The following SRBD1 variants were observed in gnomAD, a reference collection of about 807,000 sequenced individuals.
SRBD1 encodes S1 RNA binding domain 1.
In SRBD1, 88 loss-of-function variants were observed where a neutral mutation model predicts 115.3. The ratio of observed to expected loss-of-function variants is 0.76; its 90% confidence interval spans 0.64 to 0.91. The LOEUF (loss-of-function observed/expected upper bound fraction) is 0.91, where lower values mean the gene tolerates loss of function less well. Among genes scored for constraint, SRBD1 ranks in the 40% least tolerant of loss-of-function variants. The probability of loss-of-function intolerance (pLI) is 0.00; values close to 1 mark genes in which losing one functional copy is unlikely to be tolerated. For synonymous variants in SRBD1, 509 were observed against 407.7 expected (o/e 1.25, Z -2.99); for missense variants, 1,385 against 1,177.4 (o/e 1.18, Z -2.58).
intron 16 of SRBD1, among the ~76,000 whole-genome samples, chr2:45,431,970 T>C (rs879730145): frequency 6.6e-6 from 1 of 152,078 alleles, no homozygotes; most frequent in Non-Finnish European, 1.5e-5. Context: ...TCTTCCCCAA[T>C]TTTTTGCTTA....
intron 14 of SRBD1, among the ~76,000 whole-genome samples, chr2:45,530,930 G>GTTTTCAACTA (rs1423083441): frequency 6.8e-6 from 1 of 148,096 alleles, no homozygotes. Flanking sequence ...GTGAGACCCT[G>GTTTTCAACTA]TCTCAAAAAC....
chr2:45,490,133 G>C (rs1188194331), intron 14 of SRBD1, among the ~76,000 whole-genome samples: 1 of 152,036 alleles, frequency 6.6e-6, no homozygotes, highest in Non-Finnish European at 1.5e-5. Flanking sequence ...ATAATATAAT[G>C]ATCAAGGAGA....
intron 1 of SRBD1, among the ~76,000 whole-genome samples, chr2:45,610,102 A>G (rs963769239): frequency 1.1e-4 from 16 of 152,142 alleles, no homozygotes; most frequent in Admixed American, 1.0e-3. Flanking sequence ...GTGACTTGGG[A>G]TTTTTCCCTC....
intron 20 of SRBD1, among the ~76,000 whole-genome samples, chr2:45,391,467 G>A (rs750428016): frequency 3.9e-5 from 6 of 152,160 alleles, no homozygotes; most frequent in South Asian, 2.1e-4. Context: ...ATATCATCAC[G>A]TGGAAATGCC....
chr2:45,517,770 G>A (rs546419426), intron 14 of SRBD1, among the ~76,000 whole-genome samples: 1 of 152,272 alleles, frequency 6.6e-6, no homozygotes, highest in South Asian at 2.1e-4. Flanking sequence ...CAAGACAGGG[G>A]GATAGTTTGA....
At chr2:45,433,327 C>T (rs1345885490) in intron 16 of SRBD1, among the ~76,000 whole-genome samples, 8 of 151,972 alleles carry the variant, frequency 5.3e-5, no homozygotes, top group Non-Finnish European at 1.0e-4. Flanking sequence ...TGTTAATTAG[C>T]AAGAGTTAAT....
intron 9 of SRBD1, among the ~76,000 whole-genome samples, chr2:45,572,475 A>T (rs565257731): frequency 8.3e-4 from 126 of 152,196 alleles, no homozygotes; most frequent in Admixed American, 3.4e-3. Flanking sequence ...TAAATTTTTT[A>T]AAAAAGGAGA....
chr2:45,428,736 T>C (rs1475826836), intron 16 of SRBD1, among the ~76,000 whole-genome samples: 1 of 152,052 alleles, frequency 6.6e-6, no homozygotes, highest in Non-Finnish European at 1.5e-5. Flanking sequence ...ATTGACACTC[T>C]AATATCACAA....
intron 14 of SRBD1, among the ~76,000 whole-genome samples, chr2:45,505,061 C>A (rs1443883621): frequency 1.3e-5 from 2 of 151,358 alleles, no homozygotes; most frequent in Non-Finnish European, 3.0e-5. Context: ...ACAACCGAGT[C>A]TTCTACACAA....
intron 16 of SRBD1, among the ~76,000 whole-genome samples, chr2:45,431,778 G>GA (rs540498044): frequency 2.7e-5 from 4 of 150,828 alleles, no homozygotes; most frequent in African/African-American, 7.3e-5. Flanking sequence ...AAGTATAATA[G>GA]AAAAAAAACA....
intron 16 of SRBD1, among the ~76,000 whole-genome samples, chr2:45,434,389 T>A (rs1206705357): frequency 6.6e-6 from 1 of 152,182 alleles, no homozygotes; most frequent in Non-Finnish European, 1.5e-5. Flanking sequence ...GGAATCTCCA[T>A]TCACCTCACA....
intron 10 of SRBD1, among the ~76,000 whole-genome samples, chr2:45,557,615 T>C (rs975622836): frequency 1.3e-5 from 2 of 152,204 alleles, no homozygotes; most frequent in African/African-American, 4.8e-5. Flanking sequence ...ATTCATTTCC[T>C]ACATTATAGA....
At chr2:45,419,966 T>C (rs1667949072) in intron 16 of SRBD1, 72 bp from the exon 17 acceptor site, 2 of 1,341,226 alleles carry the variant, frequency 1.5e-6, no homozygotes, top group Admixed American at 3.4e-5. Context: ...ACTCTGCCTA[T>C]ATTACTGGTG....
At chr2:45,503,709 T>TA (rs1670710560) in intron 14 of SRBD1, among the ~76,000 whole-genome samples, 1 of 152,170 alleles carries the variant, frequency 6.6e-6, no homozygotes, top group African/African-American at 2.4e-5. Flanking sequence ...TCAACAAATG[T>TA]AAAATATGTT....
At chr2:45,591,985 T>C (rs1043734628) in intron 4 of SRBD1, among the ~76,000 whole-genome samples, 2 of 152,114 alleles carry the variant, frequency 1.3e-5, no homozygotes, top group African/African-American at 4.8e-5. Context: ...CCACGTGTTG[T>C]AGGAGGGACC....
chr2:45,579,553 T>C lies in SRBD1; in HGVS notation c.1072+322A>G, dbSNP rs1182217844. ...AATACCTATTTATCAAGGGATGCCATAAAGAAAGTGAAAAGACAAGTTACA... is the reference window on the plus strand; with the variant it reads ...AATACCTATTTATCAAGGGATGCCACAAAGAAAGTGAAAAGACAAGTTACA... On this transcript the variant is annotated intron_variant, in intron 7 of 20. Transcript: ENST00000263736. Among the ~76,000 whole-genome samples the C allele has an allele frequency of 2.0e-5, 3 of 151,712 alleles. 1 individual carries two copies. Among genetic ancestry groups the C allele is most frequent in the South Asian group, 4.2e-4 (2 of 4,800 alleles).
At chr2:45,446,521 C>A (rs1668828452) in intron 16 of SRBD1, among the ~76,000 whole-genome samples, 1 of 152,058 alleles carries the variant, frequency 6.6e-6, no homozygotes, top group African/African-American at 2.4e-5. Context: ...ATCCTTTTCC[C>A]AAGTCTGAGT....
intron 1 of SRBD1, among the ~76,000 whole-genome samples, chr2:45,608,361 A>C (rs1390285094): frequency 1.3e-5 from 2 of 152,208 alleles, no homozygotes. Flanking sequence ...CAAGCAGATC[A>C]GATTTAGAAA....
At chr2:45,593,236 A>G (rs995542306) in intron 4 of SRBD1, among the ~76,000 whole-genome samples, 1 of 152,198 alleles carries the variant, frequency 6.6e-6, no homozygotes, top group Non-Finnish European at 1.5e-5. Flanking sequence ...TATATGAGAA[A>G]GGTACTTTAT....
Sources: gnomAD v4.1 joint callset for allele counts (sites outside exome capture counted in the v4.1 genomes callset) on GRCh38, gnomAD v4.1.1 for gene constraint, MANE v1.5 for transcripts, NCBI Gene and HGNC (gene_info 2026-07-23, HGNC 2026-07-21) for gene names.